SLF1: variants seen among roughly 807,000 people sequenced by gnomAD.
SLF1 encodes SMC5-SMC6 complex localization factor protein 1.
In SLF1, 105 loss-of-function variants were observed where a neutral mutation model predicts 123.0. The observed-to-expected ratio is 0.85, with a 90% confidence interval of 0.73 to 1.00. The LOEUF is 1.00. Among genes scored for constraint, SLF1 ranks in the 50% least tolerant of loss-of-function variants. SLF1 has a pLI of 0.00. For missense variants in SLF1, 1,239 were observed against 1,223.0 expected (o/e 1.01, Z -0.20); for synonymous variants, 434 against 406.6 (o/e 1.07, Z -0.81).
chr5:94,695,393 CAG>C lies in SLF1; in HGVS notation c.*83_*84del. The C allele has an allele frequency of 5.1e-6, 7 of 1,378,920 alleles. No individual in the cohort carries two copies. The African/African-American group carries it at 1.0e-4, about 20-fold the overall frequency. 85.4% of individuals were successfully genotyped at this position (1,378,920 alleles called of 1,614,324 possible). A position where few individuals can be genotyped will look rare whatever the true frequency, so the allele number is the denominator to read the frequency against. On this transcript the variant is annotated 3_prime_UTR_variant, in exon 21 of 21. Transcript: ENST00000265140. ...TACTGTGGACTTCATAGCTTACTGACAGATAGTAATTTGATTTATTTATTGAC... is the reference window on the plus strand; with the variant it reads ...TACTGTGGACTTCATAGCTTACTGACATAGTAATTTGATTTATTTATTGAC...
At chr5:94,694,503 T>G (rs1417760602) in intron 20 of SLF1, among the ~76,000 whole-genome samples, 2 of 151,928 alleles carry the variant, frequency 1.3e-5, no homozygotes, top group Non-Finnish European at 2.9e-5. Context: ...ATAATACATT[T>G]TTAAGATTTC....
chr5:94,622,396 C>G (rs1277235132), intron 1 of SLF1, among the ~76,000 whole-genome samples: 2 of 152,100 alleles, frequency 1.3e-5, no homozygotes, highest in African/African-American at 2.4e-5. Flanking sequence ...TGAGAAACCA[C>G]TAGTTTTCAT....
At chr5:94,626,754 GACT>G (rs1233024876) in intron 1 of SLF1, among the ~76,000 whole-genome samples, 1 of 152,168 alleles carries the variant, frequency 6.6e-6, no homozygotes, top group African/African-American at 2.4e-5. Context: ...GGCAGTGCAG[GACT>G]ACTACTGGCA....
intron 16 of SLF1, among the ~76,000 whole-genome samples, chr5:94,687,897 A>G (rs1488317113): frequency 6.6e-6 from 1 of 151,946 alleles, no homozygotes; most frequent in African/African-American, 2.4e-5. Flanking sequence ...TATTATGCAT[A>G]TAAGCTACAT....
rs140191160 is a variant in SLF1 at position 94,636,710 on chromosome 5, ATTT to A, written c.431+5990_431+5992del. Among the ~76,000 whole-genome samples the A allele has an allele frequency of 3.4e-3, 258 of 75,406 alleles. 1 individual carries two copies. Among genetic ancestry groups the A allele is most frequent in the African/African-American group, 0.013 (209 of 16,686 alleles). The allele number at this position is 75,406 out of a possible 152,430, so 49.5% of individuals were successfully genotyped here. A position where few individuals can be genotyped will look rare whatever the true frequency, so the allele number is the denominator to read the frequency against. On this transcript the variant is annotated intron_variant, in intron 4 of 20. Transcript: ENST00000265140. ...ATCTGTATGTTCTTGTATTTTACTG[ATTT>A]TTTTTTTTTTTTTTTTTTTTTTGAG...
intron 8 of SLF1, among the ~76,000 whole-genome samples, chr5:94,654,377 A>G (rs1264860486): frequency 6.7e-6 from 1 of 150,152 alleles, no homozygotes; most frequent in Non-Finnish European, 1.5e-5. Flanking sequence ...GGCAGGAGCA[A>G]ATAAAAAGAG....
chr5:94,661,447 ACT>A (rs1392786041), intron 9 of SLF1, among the ~76,000 whole-genome samples: 2 of 151,674 alleles, frequency 1.3e-5, no homozygotes, highest in Non-Finnish European at 2.9e-5. Context: ...TTATCTACTC[ACT>A]GTTTTAGTCC....
chr5:94,670,045 A>C, intron 12 of SLF1, 106 bp from the exon 13 acceptor site: 1 of 1,156,586 alleles, frequency 8.6e-7, no homozygotes, highest in Non-Finnish European at 1.2e-6. Context: ...ATTTTAAGAA[A>C]ATTTTATTAA....
Position 94,665,747 on chromosome 5 carries a change from C to G in SLF1, c.1369-114C>G, listed in dbSNP as rs148022996. On this transcript the variant is annotated intron_variant, in intron 11 of 20. Transcript: ENST00000265140. ...CAGCCTGGGTGACAGAGCCAGACTC[C>G]GTCTCAAAAAAGAAAGTTAGGCCAG... is the stretch of plus-strand genomic sequence containing the variant. 1.6e-3 allele frequency: 1,565 copies of G among 949,064 alleles called. 20 individuals are homozygous for G. In the African/African-American group the frequency reaches 0.024, roughly 14 times the overall value. 58.8% of individuals were successfully genotyped at this position (949,064 alleles called of 1,614,324 possible). A position where few individuals can be genotyped will look rare whatever the true frequency, so the allele number is the denominator to read the frequency against.
At chr5:94,684,230 CTG>C (rs757272729) in intron 15 of SLF1, among the ~76,000 whole-genome samples, 54 of 152,304 alleles carry the variant, frequency 3.5e-4, no homozygotes, top group Admixed American at 3.9e-4. Context: ...GCAGTACACT[CTG>C]TGATGATAGA....
intron 1 of SLF1, among the ~76,000 whole-genome samples, chr5:94,627,513 T>C (rs1315523598): frequency 6.7e-6 from 1 of 149,212 alleles, no homozygotes; most frequent in African/African-American, 2.5e-5. Context: ...AAAATAAACT[T>C]AGATTTTTTT....
At chr5:94,622,796 T>C (rs1448661890) in intron 1 of SLF1, among the ~76,000 whole-genome samples, 4 of 152,132 alleles carry the variant, frequency 2.6e-5, no homozygotes, top group Non-Finnish European at 1.5e-5. Context: ...ACAATTTATT[T>C]CTAAGATTAC....
intron 11 of SLF1, among the ~76,000 whole-genome samples, chr5:94,664,910 C>T (rs1240041200): frequency 6.6e-6 from 1 of 152,162 alleles, no homozygotes; most frequent in Admixed American, 6.5e-5. Context: ...AAAGTCAGCC[C>T]TCCACATACG....
intron 4 of SLF1, among the ~76,000 whole-genome samples, chr5:94,639,121 A>G (rs1227314549): frequency 7.0e-6 from 1 of 142,224 alleles, no homozygotes; most frequent in Non-Finnish European, 1.5e-5. Context: ...GCTCACTGCA[A>G]CCTCTGCCTC....
intron 1 of SLF1, among the ~76,000 whole-genome samples, chr5:94,620,572 A>G (rs1791687278): frequency 6.6e-6 from 1 of 152,200 alleles, no homozygotes; most frequent in Admixed American, 6.5e-5. Flanking sequence ...ATATTACCCT[A>G]AAGTAGGGTT....
In SLF1 at chr5:94,649,593, C is replaced by A; in HGVS notation, c.734C>A (p.Thr245Asn). The A allele has an allele frequency of 1.4e-6, 2 of 1,468,938 alleles. No homozygotes were observed. Among genetic ancestry groups the A allele is most frequent in the Non-Finnish European group, 1.8e-6 (2 of 1,094,286 alleles). 91.0% of individuals were successfully genotyped at this position (1,468,938 alleles called of 1,614,324 possible). A position where few individuals can be genotyped will look rare whatever the true frequency, so the allele number is the denominator to read the frequency against. ...GCCTTAAGAGAGACCATGTATAGAA[C>A]CCAGGTAAACTTTATAGGCTGAAAA... ...KGALRETMYR[T>N]QKEMQNHEDV... The change falls in exon 6 of 21, where the codon ACC (threonine) becomes AAC (asparagine). Residue 245 changes from threonine (T) to asparagine (N), a missense_variant. Thr to Asn is a moderately conservative substitution (Grantham distance 65). Transcript: ENST00000265140.
At position 94,653,277 on chromosome 5, in the gene SLF1, A is replaced by G. The variant is rs1747969068; in HGVS notation, c.888A>G (p.Glu296=). The change falls in exon 8 of 21, where the codon GAA becomes GAG. Residue 296 remains glutamate (E), a synonymous_variant. Transcript: ENST00000265140. ...TGTGGTCTAAATACATGTAGAAGGA[A>G]ATTAAGAAAAAAGATGAAGATATTC... The part of the protein sequence containing the change: ...FGSHTYENQK[E]IKKKDEDIQR... 4.6e-6 allele frequency: 7 copies of G among 1,523,898 alleles called. No individual in the cohort carries two copies. The highest frequency in any genetic ancestry group is 6.2e-6 in the Non-Finnish European group (7 of 1,137,172). 94.4% of individuals were successfully genotyped at this position (1,523,898 alleles called of 1,614,324 possible). A position where few individuals can be genotyped will look rare whatever the true frequency, so the allele number is the denominator to read the frequency against.
intron 4 of SLF1, among the ~76,000 whole-genome samples, chr5:94,632,665 T>C (rs1333600914): frequency 6.6e-6 from 1 of 152,176 alleles, no homozygotes; most frequent in Non-Finnish European, 1.5e-5. Context: ...TTTTCTCCTT[T>C]ATTTTCTTAA....
intron 3 of SLF1, 115 bp from the exon 4 acceptor site, chr5:94,630,388 A>T: frequency 8.2e-7 from 1 of 1,219,284 alleles, no homozygotes. Flanking sequence ...TAATGTTAGC[A>T]GCATAGCTTA....
Sources: gnomAD v4.1 joint callset for allele counts (sites outside exome capture counted in the v4.1 genomes callset) on GRCh38, gnomAD v4.1.1 for gene constraint, MANE v1.5 for transcripts, NCBI Gene and HGNC (gene_info 2026-07-23, HGNC 2026-07-21) for gene names.